SP4: variants seen among roughly 807,000 people sequenced by gnomAD.
The protein encoded by SP4 is Sp4 transcription factor.
Under a neutral mutation model 72.8 loss-of-function variants are expected in SP4, and 19 were observed. The observed-to-expected ratio is 0.26, with a 90% CI of 0.18 to 0.38. The LOEUF (loss-of-function observed/expected upper bound fraction) is 0.38, where lower values mean the gene tolerates loss of function less well. Ranked by LOEUF, SP4 falls within the 10% of genes least tolerant of loss-of-function variation. The pLI is 1.00. For missense variants in SP4, 1,008 were observed against 926.3 expected, an observed-to-expected ratio of 1.09 and a Z score of -1.14; for synonymous variants, 395 against 333.1, an observed-to-expected ratio of 1.19 and a Z score of -2.02.
intron 3 of SP4, among the ~76,000 whole-genome samples, chr7:21,457,031 G>C (rs372069370): frequency 6.6e-6 from 1 of 151,858 alleles, no homozygotes; most frequent in Non-Finnish European, 1.5e-5. Context: ...GCCTAAGAAG[G>C]AAGGCATAGA....
intron 3 of SP4, chr7:21,471,131 A>G (rs781455415): frequency 3.7e-6 from 2 of 534,780 alleles, no homozygotes; most frequent in Admixed American, 3.9e-5. Context: ...GAGAGTGGGC[A>G]TGGAGCAGGA....
intron 5 of SP4, among the ~76,000 whole-genome samples, chr7:21,502,219 TATC>T (rs1036586234): frequency 2.3e-4 from 35 of 152,036 alleles, no homozygotes; most frequent in African/African-American, 8.0e-4. Flanking sequence ...GGTAACAACT[TATC>T]ATCCTTTTTT....
At position 21,428,090 on chromosome 7, in the gene SP4, A is replaced by G. The variant is rs1178151487; in HGVS notation, c.-162A>G. 6.0e-6 allele frequency: 4 copies of G among 666,566 alleles called. No homozygotes were observed. Among genetic ancestry groups the G allele is most frequent in the South Asian group, 1.6e-5 (1 of 60,746 alleles). 41.3% of individuals were successfully genotyped at this position (666,566 alleles called of 1,614,324 possible). ...GAGAGGAGCTGCTACGCCACAGCCCAGCGGCGGCCATTCGCGGAAAAAGAG... is the reference window on the plus strand; with the variant it reads ...GAGAGGAGCTGCTACGCCACAGCCCGGCGGCGGCCATTCGCGGAAAAAGAG... On this transcript the variant is annotated 5_prime_UTR_variant, in exon 1 of 6. Coordinates refer to ENST00000222584, the MANE Select transcript of SP4 (RefSeq NM_003112.5).
At chr7:21,444,266 T>C (rs758231184) in intron 3 of SP4, among the ~76,000 whole-genome samples, 5 of 152,232 alleles carry the variant, frequency 3.3e-5, no homozygotes, top group Admixed American at 6.5e-5. Flanking sequence ...AGAGAAATTA[T>C]GCAGTTTTCT....
chr7:21,510,935 A>G, intron 5 of SP4, 87 bp from the exon 6 acceptor site: 1 of 1,320,902 alleles, frequency 7.6e-7, no homozygotes, highest in Non-Finnish European at 1.0e-6. Context: ...AAAAAGTCAT[A>G]TAATGTGACC....
intron 3 of SP4, among the ~76,000 whole-genome samples, chr7:21,445,805 A>G (rs1215108871): frequency 6.6e-6 from 1 of 152,162 alleles, no homozygotes; most frequent in Non-Finnish European, 1.5e-5. Flanking sequence ...TTTCCCTGAA[A>G]AGTTTTAAAA....
rs77616454 is a variant in SP4 at position 21,496,010 on chromosome 7, A to G, written c.2107+13887A>G. Among the ~76,000 whole-genome samples, 27 of 152,342 alleles carry G rather than the reference A, an allele frequency of 1.8e-4. No homozygotes were observed. In the East Asian group the frequency reaches 5.2e-3, roughly 29 times the overall value. On this transcript the variant is annotated intron_variant, in intron 5 of 5. Coordinates refer to ENST00000222584, the MANE Select transcript of SP4 (RefSeq NM_003112.5). ...TTTCAGAATCAAAAGACTGCATAAT[A>G]TATGATATCATTTATGTGATATTCT...
In SP4 at chr7:21,430,043, G is replaced by A; in HGVS notation, c.878G>A (p.Gly293Glu). 6.2e-7 allele frequency: 1 copy of A among 1,614,088 alleles called. No individual in the cohort carries two copies. The highest frequency in any genetic ancestry group is 1.7e-5 in the Admixed American group (1 of 60,012). ...CAGCCTGCTGCTACTGCTGATAGTG[G>A]GACTTCCAATGGGAATCAATTAGTT... ...VGQPAATADS[G>E]TSNGNQLVST... The change falls in exon 3 of 6, where the codon GGG (glycine) becomes GAG (glutamate). Residue 293 changes from glycine (G) to glutamate (E), a missense_variant. By Grantham distance (98) the Gly-to-Glu change is moderately conservative. Transcript: ENST00000222584.
At chr7:21,481,169 G>T (rs1489871932) in intron 4 of SP4, among the ~76,000 whole-genome samples, 1 of 152,176 alleles carries the variant, frequency 6.6e-6, no homozygotes, top group Non-Finnish European at 1.5e-5. Context: ...CAGGGCTAAG[G>T]ACTTGGTTCT....
intron 4 of SP4, among the ~76,000 whole-genome samples, chr7:21,481,473 C>G (rs1244528183): frequency 6.6e-6 from 1 of 152,152 alleles, no homozygotes; most frequent in Admixed American, 6.5e-5. Flanking sequence ...TTTCCAGAGA[C>G]TTTAAATGGT....
intron 5 of SP4, among the ~76,000 whole-genome samples, chr7:21,495,897 T>TGA (rs1350171613): frequency 6.6e-6 from 1 of 152,180 alleles, no homozygotes; most frequent in Admixed American, 6.5e-5. Context: ...TATCCATACA[T>TGA]TGGAGTACTA....
intron 3 of SP4, chr7:21,471,106 A>G (rs1235382245): frequency 1.9e-6 from 1 of 534,772 alleles, no homozygotes; most frequent in Non-Finnish European, 3.8e-6. Flanking sequence ...ACAGGAGTTC[A>G]CTGTAGGTGA....
intron 5 of SP4, among the ~76,000 whole-genome samples, chr7:21,492,545 G>C (rs1406244267): frequency 6.6e-6 from 1 of 151,914 alleles, no homozygotes; most frequent in Non-Finnish European, 1.5e-5. Flanking sequence ...ACACTTATAG[G>C]CCCAAGCATT....
intron 5 of SP4, among the ~76,000 whole-genome samples, chr7:21,492,283 C>T (rs1024249008): frequency 1.3e-5 from 2 of 152,126 alleles, no homozygotes; most frequent in Non-Finnish European, 2.9e-5. Flanking sequence ...CCCTAAATGT[C>T]TCCTATATAT....
chr7:21,500,708 C>T (rs1781842086), intron 5 of SP4, among the ~76,000 whole-genome samples: 1 of 152,198 alleles, frequency 6.6e-6, no homozygotes, highest in Non-Finnish European at 1.5e-5. Flanking sequence ...AACAGCAGGG[C>T]ACGTTTCCCC....
At chr7:21,471,417 G>C (rs886852603) in intron 3 of SP4, among the ~76,000 whole-genome samples, 2 of 152,212 alleles carry the variant, frequency 1.3e-5, no homozygotes, top group Non-Finnish European at 2.9e-5. Flanking sequence ...TAATGTATAT[G>C]GTGGAAAGAG....
intron 5 of SP4, among the ~76,000 whole-genome samples, chr7:21,490,184 A>G (rs1379644034): frequency 1.3e-5 from 2 of 152,218 alleles, no homozygotes; most frequent in South Asian, 2.1e-4. Context: ...TTGAATTTGA[A>G]TAACAGTGTA....
Position 21,428,186 on chromosome 7 carries a change from T to TCCCCCCCCCCCCCCC in SP4, c.-65_-64insCCCCCCCCCCCCCCC. ...GGCGGGACCGGCCTCTCCTCCCGCC[T>TCCCCCCCCCCCCCCC]CGCCCCCACCCCCACCCACCTCTAT... is the stretch of plus-strand genomic sequence containing the variant. On this transcript the variant is annotated 5_prime_UTR_variant, in exon 1 of 6. Transcript: ENST00000222584. 1 of 297,750 alleles carries TCCCCCCCCCCCCCCC rather than the reference T, an allele frequency of 3.4e-6. No individual in the cohort carries two copies. The highest frequency in any genetic ancestry group is 6.6e-6 in the Non-Finnish European group (1 of 152,412). The allele number at this position is 297,750 out of a possible 1,614,324, so 18.4% of individuals were successfully genotyped here. A position where few individuals can be genotyped will look rare whatever the true frequency, so the allele number is the denominator to read the frequency against.
rs1183015581 is a variant in SP4, at chr7:21,513,709, A to C, written c.*2440A>C. 6.6e-6 allele frequency: 1 copy of C among 152,212 alleles called. No individual in the cohort carries two copies. The highest frequency in any genetic ancestry group is 2.4e-5 in the African/African-American group (1 of 41,454). 9.4% of individuals were successfully genotyped at this position (152,212 alleles called of 1,614,324 possible). ...TATTCCATGAACCAGTTCTAATGCA[A>C]ACCTATGTATGTCCATTAGAAATGG... On this transcript the variant is annotated 3_prime_UTR_variant, in exon 6 of 6. Coordinates refer to ENST00000222584, the MANE Select transcript of SP4 (RefSeq NM_003112.5).
Sources: allele counts gnomAD v4.1 joint callset (sites outside exome capture counted in the v4.1 genomes callset), GRCh38; gene constraint gnomAD v4.1.1; transcripts MANE v1.5; gene names NCBI Gene and HGNC (gene_info 2026-07-23, HGNC 2026-07-21).